AGBL2: variants seen among roughly 807,000 people sequenced by gnomAD.
The protein encoded by AGBL2 is AGBL carboxypeptidase 2, also known as cytosolic carboxypeptidase 2.
Under a neutral mutation model 103.0 loss-of-function variants are expected in AGBL2, and 87 were observed. The ratio of observed to expected loss-of-function variants is 0.84; its 90% CI spans 0.71 to 1.01. The LOEUF (loss-of-function observed/expected upper bound fraction) is 1.01. AGBL2 is among the 50% of genes least tolerant of loss of function. The probability of loss-of-function intolerance (pLI) is 0.00; values close to 1 mark genes in which losing one functional copy is unlikely to be tolerated. For missense variants in AGBL2, 904 were observed against 1,023.5 expected (o/e 0.88, Z 1.59); for synonymous variants, 335 against 356.7 (o/e 0.94, Z 0.69).
chr11:47,705,931 G>T lies in AGBL2; in HGVS notation c.233-14C>A, dbSNP rs1026719028. 4 of 1,613,504 alleles carry T rather than the reference G, an allele frequency of 2.5e-6. No homozygotes were observed. Among genetic ancestry groups the T allele is most frequent in the Admixed American group, 3.3e-5 (2 of 60,016 alleles). On this transcript the variant is annotated splice_polypyrimidine_tract_variant and intron_variant, in intron 4 of 18. Transcript: ENST00000525123. ...AACTGATAGGCCCTAGAAAGAGGAA[G>T]AGGAGGCACCCTTGGTGTCAGGGAT...
intron 13 of AGBL2, among the ~76,000 whole-genome samples, chr11:47,678,246 G>A (rs2097383481): frequency 6.6e-6 from 1 of 151,792 alleles, no homozygotes; most frequent in African/African-American, 2.4e-5. Flanking sequence ...ACAGGCGTGA[G>A]CCATCATGCC....
intron 4 of AGBL2, among the ~76,000 whole-genome samples, chr11:47,708,403 A>C (rs1445644758): frequency 6.6e-6 from 1 of 151,512 alleles, no homozygotes; most frequent in Admixed American, 6.6e-5. Flanking sequence ...GATTTGAAAG[A>C]GCTGTTATAT....
chr11:47,692,404 C>CTTTTTTT (rs11286504), intron 8 of AGBL2, 148 bp from the exon 9 acceptor site: 20 of 99,106 alleles, frequency 2.0e-4, no homozygotes, highest in African/African-American at 3.8e-4. Context: ...GACTTTTAAT[C>CTTTTTTT]TTTTTTTTTT....
rs149034810 is a variant in AGBL2 at position 47,700,891 on chromosome 11, C to T, written c.587-1338G>A. ...CCTGGCCAACACGGTGAAACCCCGT[C>T]TCTATTAAAAAATACAAAAATTAGC... is the stretch of plus-strand genomic sequence containing the variant. On this transcript the variant is annotated intron_variant, in intron 7 of 18. Coordinates refer to ENST00000525123, the MANE Select transcript of AGBL2 (RefSeq NM_024783.4). Among the ~76,000 whole-genome samples the T allele has an allele frequency of 2.3e-4, 35 of 151,574 alleles. No individual in the cohort carries two copies. In the East Asian group the frequency reaches 4.3e-3, roughly 19 times the overall value.
intron 7 of AGBL2, among the ~76,000 whole-genome samples, 180 bp downstream of exon 7, chr11:47,704,363 C>T (rs1253068208): frequency 6.6e-6 from 1 of 151,252 alleles, no homozygotes; most frequent in Non-Finnish European, 1.5e-5. Context: ...GCCTGTAATC[C>T]CAGCTACTCA....
intron 10 of AGBL2, 148 bp downstream of exon 10, chr11:47,689,928 G>T: frequency 1.6e-6 from 1 of 623,138 alleles, no homozygotes; most frequent in Non-Finnish European, 2.5e-6. Context: ...AAAGTCACTT[G>T]ACTACAAAGA....
At chr11:47,678,237 C>T (rs1014725169) in intron 13 of AGBL2, among the ~76,000 whole-genome samples, 2 of 150,842 alleles carry the variant, frequency 1.3e-5, no homozygotes, top group African/African-American at 4.9e-5. Context: ...GCTGGGATTA[C>T]AGGCGTGAGC....
In AGBL2 at chr11:47,682,107, T is replaced by C. The variant is rs763709502; in HGVS notation, c.1789-12A>G. 6 of 1,610,334 alleles carry C rather than the reference T, an allele frequency of 3.7e-6. No individual in the cohort carries two copies. In the East Asian group the frequency reaches 1.1e-4, roughly 30 times the overall value. ...CTGTGAAAAGAGAACTAAAAAGAAA[T>C]CCAAATTTTCTGTTAATCATAAATC... On this transcript the variant is annotated splice_polypyrimidine_tract_variant and intron_variant, in intron 11 of 18. Coordinates refer to ENST00000525123, the MANE Select transcript of AGBL2 (RefSeq NM_024783.4).
intron 16 of AGBL2, 136 bp downstream of exon 16, chr11:47,667,435 C>T (rs547861366): frequency 1.0e-5 from 12 of 1,169,722 alleles, no homozygotes; most frequent in East Asian, 4.7e-5. Flanking sequence ...GGGTTCTGAT[C>T]GCAAAACAGA....
Position 47,704,626 on chromosome 11 carries a change from G to T in AGBL2, c.503C>A (p.Ser168Tyr), listed in dbSNP as rs1462245575. The change falls in exon 7 of 19, where the codon TCC becomes TAC. Residue 168 changes from serine to tyrosine, a missense_variant. Transcript: ENST00000525123. ...CAGTGGCCTCTTGGTAGACAAAATGGAAAAGAGCTCTTGGGGTTCTCGAAG... is the reference window on the plus strand; with the variant it reads ...CAGTGGCCTCTTGGTAGACAAAATGTAAAAGAGCTCTTGGGGTTCTCGAAG... ...PRLREPQELF[S>Y]ILSTKRPLQA... 2 of 1,613,968 alleles carry T rather than the reference G, an allele frequency of 1.2e-6. No homozygotes were observed.
intron 14 of AGBL2, among the ~76,000 whole-genome samples, chr11:47,674,749 T>G (rs2097368917): frequency 6.6e-6 from 1 of 151,960 alleles, no homozygotes; most frequent in African/African-American, 2.4e-5. Flanking sequence ...TTCATTCATT[T>G]TTTGAGATGG....
intron 8 of AGBL2, among the ~76,000 whole-genome samples, chr11:47,696,001 C>T (rs1442080227): frequency 4.1e-5 from 1 of 24,602 alleles, no homozygotes; most frequent in Admixed American, 6.3e-4. Context: ...TCCGTCTGTA[C>T]TAAAAATACA....
At position 47,695,475 on chromosome 11, in the gene AGBL2, C is replaced by CAAA. The variant is rs56047450; in HGVS notation, c.695-3222_695-3220dup. On this transcript the variant is annotated intron_variant, in intron 8 of 18. Transcript: ENST00000525123. ...GGGCGACGAAAGTGAAACTCTGTCT[C>CAAA]AAAAAAAAAAAAAAAAAAAACAGTT... 3.4e-3 allele frequency among the ~76,000 whole-genome samples: 261 copies of CAAA among 75,990 alleles called. 3 individuals are homozygous for CAAA. The highest frequency in any genetic ancestry group is 0.026 in the Middle Eastern group (2 of 76). 49.9% of individuals were successfully genotyped at this position (75,990 alleles called of 152,430 possible).
Position 47,705,645 on chromosome 11 carries a change from AAAAAAAAAAAAAG to A in AGBL2, c.287-24_287-12del. The A allele has an allele frequency of 2.0e-6, 1 of 510,174 alleles. No homozygotes were observed. The highest frequency in any genetic ancestry group is 3.5e-6 in the Non-Finnish European group (1 of 281,772). 31.6% of individuals were successfully genotyped at this position (510,174 alleles called of 1,614,324 possible). ...GGCAAGAGTGAAAGTCTGTGTCAAA[AAAAAAAAAAAAAG>A]AAAAAGAAAAAGAAGAAAGGGAATG... On this transcript the variant is annotated splice_polypyrimidine_tract_variant and intron_variant, in intron 5 of 18. Coordinates refer to ENST00000525123, the MANE Select transcript of AGBL2 (RefSeq NM_024783.4).
At chr11:47,689,292 C>T (rs2097435658) in intron 10 of AGBL2, among the ~76,000 whole-genome samples, 1 of 148,866 alleles carries the variant, frequency 6.7e-6, no homozygotes, top group African/African-American at 2.5e-5. Flanking sequence ...CTTAACCTAC[C>T]CACTTCTCAA....
chr11:47,690,076 C>T lies in AGBL2; in HGVS notation c.1631G>A (p.Arg544Lys). Reference protein sequence around the residue: ...CIWYTRNMIKRLLEEREVLLY... With the variant: ...CIWYTRNMIKKLLEEREVLLY... Reference sequence around the variant, plus strand: ...AAGATCAACAGATAAAAAGTCTCACCTTTTGATCATGTTCCTGGTGTACCA... The same window carrying T: ...AAGATCAACAGATAAAAAGTCTCACTTTTTGATCATGTTCCTGGTGTACCA... Residue 544 changes from arginine (R) to lysine (K), a missense_variant and splice_region_variant, in exon 10 of 19, where the codon AGA (arginine) becomes AAA (lysine). Transcript: ENST00000525123. 6.3e-7 allele frequency: 1 copy of T among 1,599,520 alleles called. No individual in the cohort carries two copies. The highest frequency in any genetic ancestry group is 8.5e-7 in the Non-Finnish European group (1 of 1,174,676).
intron 10 of AGBL2, 92 bp downstream of exon 10, chr11:47,689,984 C>T: frequency 3.5e-6 from 4 of 1,152,682 alleles, no homozygotes; most frequent in Non-Finnish European, 4.9e-6. Flanking sequence ...ATTCCTTTAA[C>T]AACAGAAGAG....
Position 47,665,661 on chromosome 11 carries a change from G to T in AGBL2, c.2448+1295C>A, listed in dbSNP as rs181885632. ...TAGAGATGAGGTTTCACTATGTTGT[G>T]CAGGCTGGTCTTGAACTCCTGGGCT... On this transcript the variant is annotated intron_variant, in intron 17 of 18. Coordinates refer to ENST00000525123, the MANE Select transcript of AGBL2 (RefSeq NM_024783.4). Among the ~76,000 whole-genome samples the T allele has an allele frequency of 6.1e-3, 922 of 151,870 alleles. 6 individuals carry two copies. The highest frequency in any genetic ancestry group is 0.01 in the Middle Eastern group (3 of 294).
intron 11 of AGBL2, among the ~76,000 whole-genome samples, chr11:47,684,027 C>A (rs1437265444): frequency 6.6e-6 from 1 of 151,728 alleles, no homozygotes; most frequent in Non-Finnish European, 1.5e-5. Context: ...CCAAGGCGGG[C>A]AGATCACAAG....
Sources: gnomAD v4.1 joint callset for allele counts (sites outside exome capture counted in the v4.1 genomes callset) on GRCh38, gnomAD v4.1.1 for gene constraint, MANE v1.5 for transcripts, NCBI Gene and HGNC (gene_info 2026-07-23, HGNC 2026-07-21) for gene names.